The following PGM3 variants were observed in gnomAD, a reference collection of about 807,000 sequenced individuals.
PGM3 encodes the protein phosphoacetylglucosamine mutase.
In PGM3, 40 loss-of-function variants were observed where a neutral mutation model predicts 66.2. That is an observed-to-expected ratio of 0.60 (90% CI 0.47 to 0.79). PGM3 has a LOEUF of 0.79. Among genes scored for constraint, PGM3 ranks in the 30% least tolerant of loss-of-function variants. The pLI is 0.00. For synonymous variants in PGM3, 191 were observed against 224.2 expected (o/e 0.85, Z 1.32); for missense variants, 537 against 643.4 (o/e 0.83, Z 1.79).
the PGM3 span, chr6:83,151,610 T>C: frequency 6.2e-7 from 1 of 1,608,500 alleles, no homozygotes; most frequent in South Asian, 1.1e-5. Flanking sequence ...AATGAGTTTA[T>C]TATGAAAAAC....
chr6:83,173,190 T>C (rs1403996471), intron 10 of PGM3, among the ~76,000 whole-genome samples: 1 of 152,236 alleles, frequency 6.6e-6, no homozygotes, highest in Non-Finnish European at 1.5e-5. Flanking sequence ...TCAGCCTATA[T>C]CATGTGCTTT....
At chr6:83,180,649 A>G (rs1234397383) in intron 6 of PGM3, among the ~76,000 whole-genome samples, 1 of 152,228 alleles carries the variant, frequency 6.6e-6, no homozygotes, top group East Asian at 1.9e-4. Context: ...AGCAAGGACT[A>G]TGGTTTTGTT....
chr6:83,185,238 T>C (rs1788486072), intron 4 of PGM3, among the ~76,000 whole-genome samples: 1 of 152,240 alleles, frequency 6.6e-6, no homozygotes, highest in African/African-American at 2.4e-5. Context: ...CCATGGAATT[T>C]ACTTAGTGAG....
rs1786095456 is a variant in PGM3, at chr6:83,167,642, G to A, written c.*1592C>T. On this transcript the variant is annotated 3_prime_UTR_variant, in exon 13 of 13. Coordinates refer to ENST00000513973, the MANE Select transcript of PGM3 (RefSeq NM_015599.3). Reference sequence around the variant, plus strand: ...CTAAGCTTATCTGCGCATTCTAGTTGGGAACTATTACTACAATGTTAGACT... The same window carrying A: ...CTAAGCTTATCTGCGCATTCTAGTTAGGAACTATTACTACAATGTTAGACT... 1 of 1,261,394 alleles carries A rather than the reference G, an allele frequency of 7.9e-7. No individual in the cohort carries two copies. Among genetic ancestry groups the A allele is most frequent in the Non-Finnish European group, 9.9e-7 (1 of 1,005,232 alleles). The allele number at this position is 1,261,394 out of a possible 1,614,324, so 78.1% of individuals were successfully genotyped here.
chr6:83,170,502 G>A, intron 11 of PGM3, 24 bp from the exon 12 acceptor site: 1 of 1,595,414 alleles, frequency 6.3e-7, no homozygotes, highest in Non-Finnish European at 8.6e-7. Flanking sequence ...TTTCATATTT[G>A]TTACTCTATT....
chr6:83,188,473 C>A (rs1788768776), intron 3 of PGM3, 141 bp downstream of exon 3: 2 of 646,922 alleles, frequency 3.1e-6, no homozygotes, highest in Non-Finnish European at 5.3e-6. Context: ...CTACATCCTA[C>A]TAGAAAGGCC....
chr6:83,190,630 G>T, intron 2 of PGM3, 179 bp downstream of exon 2: 1 of 605,200 alleles, frequency 1.7e-6, no homozygotes, highest in Non-Finnish European at 2.9e-6. Flanking sequence ...ACACCCTTAG[G>T]AATCATGAGC....
In PGM3 at chr6:83,179,853, A is replaced by G. The variant is rs571111060; in HGVS notation, c.902T>C (p.Ile301Thr). 1 of 1,613,502 alleles carries G rather than the reference A, an allele frequency of 6.2e-7. No individual in the cohort carries two copies. The highest frequency in any genetic ancestry group is 2.2e-5 in the East Asian group (1 of 44,852). The stretch of plus-strand genomic sequence containing the variant: ...AAGGAAACTGCTAATTAACGTTGCT[A>G]TCTTGTCTCCATCTATGAGATGAAA... ...GHFHLIDGDK[I>T]ATLISSFLKE... The change falls in exon 7 of 13, where the codon ATA becomes ACA. Residue 301 changes from isoleucine (I) to threonine (T), a missense_variant. Ile to Thr is a moderately conservative substitution (Grantham distance 89). Coordinates refer to ENST00000513973, the MANE Select transcript of PGM3 (RefSeq NM_015599.3).
intron 4 of PGM3, among the ~76,000 whole-genome samples, chr6:83,185,859 GAA>G (rs1788543222): frequency 6.6e-6 from 1 of 152,284 alleles, no homozygotes; most frequent in Admixed American, 6.5e-5. Context: ...CATGCAGAAT[GAA>G]AGAGGGTCCC....
At position 83,182,877 on chromosome 6, in the gene PGM3, G is replaced by A; in HGVS notation, c.559C>T (p.Leu187Phe). 6.2e-7 allele frequency: 1 copy of A among 1,614,064 alleles called. No individual in the cohort carries two copies. Among genetic ancestry groups the A allele is most frequent in the South Asian group, 1.1e-5 (1 of 91,084 alleles). Residue 187 changes from leucine (L) to phenylalanine (F), a missense_variant, in exon 5 of 13, where the codon CTC becomes TTC. Transcript: ENST00000513973. ...KATIEGYYQK[L>F]SKAFVELTKQ... ...GTGAGTTCCACAAAAGCCTTAGAGAGTTTCTGGTAGTAACCTTCTATAGTT... is the reference window on the plus strand; with the variant it reads ...GTGAGTTCCACAAAAGCCTTAGAGAATTTCTGGTAGTAACCTTCTATAGTT...
chr6:83,172,572 T>C (rs545337752), intron 10 of PGM3, among the ~76,000 whole-genome samples: 6 of 152,106 alleles, frequency 3.9e-5, no homozygotes, highest in Admixed American at 2.0e-4. Flanking sequence ...GGCAGGAGAA[T>C]TGCTTGAGCC....
intron 11 of PGM3, among the ~76,000 whole-genome samples, chr6:83,171,711 T>TCCCTTGACCTCATGATC (rs1419672290): frequency 1.3e-5 from 2 of 152,092 alleles, no homozygotes; most frequent in African/African-American, 4.8e-5. Flanking sequence ...CTGGTCTCAA[T>TCCCTTGACCTCATGATC]CCCTTGACCT....
At chr6:83,149,009 G>T in the PGM3 span, 61 of 480,252 alleles carry the variant, frequency 1.3e-4, 2 homozygotes, top group South Asian at 2.7e-3. Flanking sequence ...GATGTATAAG[G>T]CCTGTTTAAG....
At chr6:83,183,217 T>C (rs1354226610) in intron 4 of PGM3, among the ~76,000 whole-genome samples, 1 of 152,156 alleles carries the variant, frequency 6.6e-6, no homozygotes, top group East Asian at 1.9e-4. Context: ...AAGTAATAAT[T>C]GAGTTCTGTT....
Position 83,184,648 on chromosome 6 carries a change from G to T in PGM3, c.458-1670C>A, listed in dbSNP as rs184905667. ...AGAAACCTGGAATGTGTTCTTCACA[G>T]TTCTGTTCTCCCCATATATCACAAA... On this transcript the variant is annotated intron_variant, in intron 4 of 12. Coordinates refer to ENST00000513973, the MANE Select transcript of PGM3 (RefSeq NM_015599.3). Among the ~76,000 whole-genome samples the T allele has an allele frequency of 1.6e-3, 244 of 152,328 alleles. 1 individual carries two copies. The highest frequency in any genetic ancestry group is 5.7e-3 in the African/African-American group (235 of 41,572).
intron 4 of PGM3, among the ~76,000 whole-genome samples, chr6:83,186,699 A>T (rs1788606495): frequency 6.6e-6 from 1 of 152,208 alleles, no homozygotes; most frequent in Non-Finnish European, 1.5e-5. Flanking sequence ...CAGAATGATC[A>T]TCTTCAAGTA....
chr6:83,153,555 G>C, the PGM3 span: 1 of 1,609,852 alleles, frequency 6.2e-7, no homozygotes, highest in Non-Finnish European at 8.5e-7. Context: ...GTGATGAAAA[G>C]GAGCGGGTTA....
chr6:83,167,836 A>C lies in PGM3; in HGVS notation c.*1398T>G. On this transcript the variant is annotated 3_prime_UTR_variant, in exon 13 of 13. Transcript: ENST00000513973. ...ATACCACATTGTCTGTTGTATTAATACCAGTTCACTTTTTGTTTTCTGCAG... is the reference window on the plus strand; with the variant it reads ...ATACCACATTGTCTGTTGTATTAATCCCAGTTCACTTTTTGTTTTCTGCAG... 6.3e-7 allele frequency: 1 copy of C among 1,586,668 alleles called. No homozygotes were observed. Among genetic ancestry groups the C allele is most frequent in the Non-Finnish European group, 8.6e-7 (1 of 1,166,260 alleles).
intron 1 of PGM3, among the ~76,000 whole-genome samples, chr6:83,192,048 C>T (rs1789143624): frequency 6.6e-6 from 1 of 151,134 alleles, no homozygotes; most frequent in Admixed American, 6.6e-5. Context: ...GGGCGGATCA[C>T]GAGGTCAGGA....
Sources: allele counts gnomAD v4.1 joint callset (sites outside exome capture counted in the v4.1 genomes callset), GRCh38; gene constraint gnomAD v4.1.1; transcripts MANE v1.5; gene names NCBI Gene and HGNC (gene_info 2026-07-23, HGNC 2026-07-21).